Variants in GPX8 observed in about 807,000 individuals in gnomAD.
The protein encoded by GPX8 is protein peroxidase GPX8.
In GPX8, 12 loss-of-function variants were observed where a neutral mutation model predicts 17.8. The observed-to-expected ratio is 0.67, with a 90% CI of 0.43 to 1.09. The LOEUF (loss-of-function observed/expected upper bound fraction) is 1.09, where lower values mean the gene tolerates loss of function less well. Ranked by LOEUF, GPX8 falls within the 50% of genes least tolerant of loss-of-function variation. The pLI is 0.00. For missense variants in GPX8, 209 were observed against 235.6 expected, an observed-to-expected ratio of 0.89 and a Z score of 0.74; for synonymous variants, 86 against 88.1, an observed-to-expected ratio of 0.98 and a Z score of 0.14.
At position 55,160,266 on chromosome 5, in the gene GPX8, T is replaced by TTTTTGC; in HGVS notation, c.74_75insTTTTGC (p.Ile25_Val26insPheAla). On this transcript the variant is annotated inframe_insertion, in exon 1 of 3. Coordinates refer to ENST00000503787, the MANE Select transcript of GPX8 (RefSeq NM_001008397.4). The stretch of plus-strand genomic sequence containing the variant: ...AAGGTATTTGCAGTTTTGCTGTCTA[T>TTTTTGC]AGTTCTATGCACAGTAACGCTATTT... The TTTTTGC allele has an allele frequency of 3.7e-6, 6 of 1,613,880 alleles. No individual in the cohort carries two copies. Among genetic ancestry groups the TTTTTGC allele is most frequent in the African/African-American group, 2.7e-5 (2 of 74,930 alleles).
Position 55,164,037 on chromosome 5 carries a change from A to G in GPX8, c.467-18A>G. 1 of 1,517,940 alleles carries G rather than the reference A, an allele frequency of 6.6e-7. No homozygotes were observed. Among genetic ancestry groups the G allele is most frequent in the Non-Finnish European group, 8.9e-7 (1 of 1,122,216 alleles). 94.0% of individuals were successfully genotyped at this position (1,517,940 alleles called of 1,614,324 possible). A position where few individuals can be genotyped will look rare whatever the true frequency, so the allele number is the denominator to read the frequency against. On this transcript the variant is annotated intron_variant, in intron 2 of 2. Coordinates refer to ENST00000503787, the MANE Select transcript of GPX8 (RefSeq NM_001008397.4). ...AGAATAAAATTATGCTCATGAAAAT[A>G]TGTTCTGGATATTTTAGATTCTTCA... is the stretch of plus-strand genomic sequence containing the variant.
chr5:55,161,679 T>G (rs1561303539), intron 2 of GPX8, among the ~76,000 whole-genome samples: 1 of 152,238 alleles, frequency 6.6e-6, no homozygotes. Context: ...ATGTTGTCTT[T>G]CTTATCTGAA....
Position 55,164,371 on chromosome 5 carries a change from T to A in GPX8, c.*153T>A, listed in dbSNP as rs926465758. 9 of 427,914 alleles carry A rather than the reference T, an allele frequency of 2.1e-5. No individual in the cohort carries two copies. The highest frequency in any genetic ancestry group is 1.8e-4 in the African/African-American group (9 of 49,166). 26.5% of individuals were successfully genotyped at this position (427,914 alleles called of 1,614,324 possible). A position where few individuals can be genotyped will look rare whatever the true frequency, so the allele number is the denominator to read the frequency against. ...CAGCTCATTGCAACCTCTGCCTTTT[T>A]AAACATGCTATTAAATGTGGCAATG... is the stretch of plus-strand genomic sequence containing the variant. On this transcript the variant is annotated 3_prime_UTR_variant, in exon 3 of 3. Transcript: ENST00000503787.
rs1182689963 is a variant in GPX8 at position 55,160,980 on chromosome 5, T to C, written c.205-14T>C. 10 of 1,583,898 alleles carry C rather than the reference T, an allele frequency of 6.3e-6. No homozygotes were observed. In the Admixed American group the frequency reaches 1.7e-4, roughly 27 times the overall value. ...GCTTCACTTTCCGGTTGGATTTTTT[T>C]CTTTTTCCGGGAGGTTTCACTAGTT... On this transcript the variant is annotated splice_polypyrimidine_tract_variant and intron_variant, in intron 1 of 2. Transcript: ENST00000503787.
rs1744315910 is a variant in GPX8 at position 55,165,194 on chromosome 5, G to T, written c.*976G>T. ...ACAGCCTAAATTCTAGTATAAAAAG[G>T]GGGTGATCATACAAGTCCTAAAGTG... On this transcript the variant is annotated 3_prime_UTR_variant, in exon 3 of 3. Coordinates refer to ENST00000503787, the MANE Select transcript of GPX8 (RefSeq NM_001008397.4). 6.6e-6 allele frequency: 1 copy of T among 152,142 alleles called. No individual in the cohort carries two copies. The highest frequency in any genetic ancestry group is 2.1e-4 in the South Asian group (1 of 4,824). The allele number at this position is 152,142 out of a possible 1,614,324, so 9.4% of individuals were successfully genotyped here.
At position 55,161,179 on chromosome 5, in the gene GPX8, C is replaced by T; in HGVS notation, c.390C>T (p.Tyr130=). The T allele has an allele frequency of 2.5e-6, 4 of 1,614,058 alleles. No homozygotes were observed. Among genetic ancestry groups the T allele is most frequent in the Middle Eastern group, 1.6e-4 (1 of 6,062 alleles). Residue 130 remains tyrosine (Y), a synonymous_variant, in exon 2 of 3, where the codon TAC becomes TAT. Coordinates refer to ENST00000503787, the MANE Select transcript of GPX8 (RefSeq NM_001008397.4). ...KEVESFARKN[Y]GVTFPIFHKI... is the part of the protein sequence containing the mutation. ...TAGAATCTTTTGCAAGAAAAAACTA[C>T]GGAGTAACTTTCCCCATCTTCCACA...
rs200179703 is a variant in GPX8 at position 55,160,196 on chromosome 5, G to A, written c.4G>A (p.Glu2Lys). The part of the protein sequence containing the change: M[E>K]PLAAYPLKCS... ...CTTCCCTCTAGAATCCTCCAACATG[G>A]AGCCTCTTGCAGCTTACCCGCTAAA... Residue 2 changes from glutamate to lysine, a missense_variant, in exon 1 of 3, where the codon GAG (glutamate) becomes AAG (lysine). Physicochemically the swap from Glu to Lys is moderately conservative, Grantham distance 56. Transcript: ENST00000503787. 8 of 1,613,356 alleles carry A rather than the reference G, an allele frequency of 5.0e-6. No individual in the cohort carries two copies. The highest frequency in any genetic ancestry group is 5.9e-6 in the Non-Finnish European group (7 of 1,179,358).
rs1198717978 is a variant in GPX8, at chr5:55,160,216, G to A, written c.24G>A (p.Pro8=). 3.1e-6 allele frequency: 5 copies of A among 1,613,936 alleles called. No individual in the cohort carries two copies. In the East Asian group the frequency reaches 1.1e-4, roughly 36 times the overall value. The change falls in exon 1 of 3, where the codon CCG becomes CCA. Residue 8 remains proline, a synonymous_variant. Transcript: ENST00000503787. MEPLAAY[P]LKCSGPRAKV... ...ACATGGAGCCTCTTGCAGCTTACCC[G>A]CTAAAATGTTCCGGGCCCAGAGCAA... is the stretch of plus-strand genomic sequence containing the variant.
At position 55,166,195 on chromosome 5, in the gene GPX8, T is replaced by C. The variant is rs1256557381; in HGVS notation, c.*1977T>C. 3 of 152,274 alleles carry C rather than the reference T, an allele frequency of 2.0e-5. No individual in the cohort carries two copies. The highest frequency in any genetic ancestry group is 7.2e-5 in the African/African-American group (3 of 41,434). 9.4% of individuals were successfully genotyped at this position (152,274 alleles called of 1,614,324 possible). A position where few individuals can be genotyped will look rare whatever the true frequency, so the allele number is the denominator to read the frequency against. On this transcript the variant is annotated 3_prime_UTR_variant, in exon 3 of 3. Coordinates refer to ENST00000503787, the MANE Select transcript of GPX8 (RefSeq NM_001008397.4). ...CAGAACTGCATATGCCAGCACCACA[T>C]GGGCAGCAGAGACTCCCCACTGCCA...
rs190612331 is a variant in GPX8, at chr5:55,163,754, C to T, written c.467-301C>T. ...AACTCCTGATCTTAGGTGATCCACC[C>T]GCCTCAGCCTCCCAAAGTGCTGGGA... On this transcript the variant is annotated intron_variant, in intron 2 of 2. Coordinates refer to ENST00000503787, the MANE Select transcript of GPX8 (RefSeq NM_001008397.4). Among the ~76,000 whole-genome samples, 274 of 150,620 alleles carry T rather than the reference C, an allele frequency of 1.8e-3. 2 individuals carry two copies. In the Middle Eastern group the frequency reaches 0.021, roughly 11 times the overall value.
intron 2 of GPX8, among the ~76,000 whole-genome samples, chr5:55,162,264 T>TAATTACA (rs1422756293): frequency 1.3e-5 from 2 of 151,950 alleles, no homozygotes; most frequent in Non-Finnish European, 2.9e-5. Context: ...GGTGTGGTGG[T>TAATTACA]GGGCACCTGT....
chr5:55,160,897 T>G (rs1339862982), intron 1 of GPX8, 97 bp from the exon 2 acceptor site: 2 of 1,255,484 alleles, frequency 1.6e-6, no homozygotes, highest in African/African-American at 1.5e-5. Flanking sequence ...TCAGAGGTTA[T>G]AGTCCCCCCC....
In GPX8 at chr5:55,164,111, G is replaced by C; in HGVS notation, c.523G>C (p.Gly175Arg). Residue 175 changes from glycine (G) to arginine (R), a missense_variant, in exon 3 of 3, where the codon GGT (glycine) becomes CGT (arginine). Physicochemically the swap from Gly to Arg is moderately radical, Grantham distance 125 (BLOSUM62 -2). Transcript: ENST00000503787. ...NFWKYLVNPE[G>R]QVVKFWKPEE... ...TTGGAAGTATCTTGTCAACCCTGAG[G>C]GTCAAGTTGTGAAGTTCTGGAAGCC... is the stretch of plus-strand genomic sequence containing the variant. 6.2e-7 allele frequency: 1 copy of C among 1,604,736 alleles called. No individual in the cohort carries two copies. Among genetic ancestry groups the C allele is most frequent in the South Asian group, 1.1e-5 (1 of 89,674 alleles).
rs1365254566 is a variant in GPX8, at chr5:55,161,225, G to A, written c.436G>A (p.Glu146Lys). The change falls in exon 2 of 3, where the codon GAA becomes AAA. Residue 146 changes from glutamate to lysine, a missense_variant. By Grantham distance (56) the Glu-to-Lys change is moderately conservative. Transcript: ENST00000503787. Reference protein sequence around the residue: ...IFHKIKILGSEGEPAFRFLVD... With the variant: ...IFHKIKILGSKGEPAFRFLVD... Reference sequence around the variant, plus strand: ...CCACAAGATTAAGATTCTAGGATCTGAAGGAGAACCTGCATTTAGATTTCT... The same window carrying A: ...CCACAAGATTAAGATTCTAGGATCTAAAGGAGAACCTGCATTTAGATTTCT... 7.3e-5 allele frequency: 118 copies of A among 1,613,856 alleles called. 1 individual carries two copies. The highest frequency in any genetic ancestry group is 9.8e-5 in the Non-Finnish European group (116 of 1,179,896).
Position 55,160,259 on chromosome 5 carries a change from C to G in GPX8, c.67C>G (p.Leu23Val), listed in dbSNP as rs369767237. ...CAGAGCAAAGGTATTTGCAGTTTTG[C>G]TGTCTATAGTTCTATGCACAGTAAC... ...GPRAKVFAVLLSIVLCTVTLF... is the reference protein window; with the variant it reads ...GPRAKVFAVLVSIVLCTVTLF... Residue 23 changes from leucine to valine, a missense_variant, in exon 1 of 3, where the codon CTG becomes GTG. By Grantham distance (32) the Leu-to-Val change is conservative (BLOSUM62 1). Transcript: ENST00000503787. 1 of 1,613,980 alleles carries G rather than the reference C, an allele frequency of 6.2e-7. No homozygotes were observed. Among genetic ancestry groups the G allele is most frequent in the African/African-American group, 1.3e-5 (1 of 75,052 alleles).
rs1402732528 is a variant in GPX8 at position 55,160,237 on chromosome 5, A to G, written c.45A>G (p.Arg15=). The G allele has an allele frequency of 6.2e-7, 1 of 1,614,040 alleles. No individual in the cohort carries two copies. The highest frequency in any genetic ancestry group is 8.5e-7 in the Non-Finnish European group (1 of 1,180,000). ...AAYPLKCSGP[R]AKVFAVLLSI... ...ACCCGCTAAAATGTTCCGGGCCCAG[A>G]GCAAAGGTATTTGCAGTTTTGCTGT... The change falls in exon 1 of 3, where the codon AGA becomes AGG. Residue 15 remains arginine, a synonymous_variant. Coordinates refer to ENST00000503787, the MANE Select transcript of GPX8 (RefSeq NM_001008397.4).
intron 2 of GPX8, among the ~76,000 whole-genome samples, chr5:55,163,163 T>C (rs1378993850): frequency 3.9e-5 from 6 of 152,142 alleles, no homozygotes; most frequent in African/African-American, 1.4e-4. Flanking sequence ...AAAATGAACA[T>C]AAATCTTGAG....
At position 55,165,544 on chromosome 5, in the gene GPX8, A is replaced by G. The variant is rs1184052809; in HGVS notation, c.*1326A>G. ...AAATTCAGTAATGCTACCTCAGTAT[A>G]TAGTTCTGTATACGTATTTGGACCA... is the stretch of plus-strand genomic sequence containing the variant. On this transcript the variant is annotated 3_prime_UTR_variant, in exon 3 of 3. Coordinates refer to ENST00000503787, the MANE Select transcript of GPX8 (RefSeq NM_001008397.4). 1.3e-5 allele frequency: 2 copies of G among 152,234 alleles called. No homozygotes were observed. Among genetic ancestry groups the G allele is most frequent in the East Asian group, 3.8e-4 (2 of 5,200 alleles). The allele number at this position is 152,234 out of a possible 1,614,324, so 9.4% of individuals were successfully genotyped here. A position where few individuals can be genotyped will look rare whatever the true frequency, so the allele number is the denominator to read the frequency against.
Position 55,160,329 on chromosome 5 carries a change from G to C in GPX8, c.137G>C (p.Ser46Thr). The change falls in exon 1 of 3, where the codon AGC (serine) becomes ACC (threonine). Residue 46 changes from serine to threonine, a missense_variant. Ser to Thr is a moderately conservative substitution (Grantham distance 58, BLOSUM62 1). Coordinates refer to ENST00000503787, the MANE Select transcript of GPX8 (RefSeq NM_001008397.4). ...AAATTCCTCAAACCTAAAATCAACA[G>C]CTTTTATGCCTTTGAAGTGAAGGAT... Reference protein sequence around the residue: ...QLKFLKPKINSFYAFEVKDAK... With the variant: ...QLKFLKPKINTFYAFEVKDAK... 1 of 1,613,834 alleles carries C rather than the reference G, an allele frequency of 6.2e-7. No homozygotes were observed. Among genetic ancestry groups the C allele is most frequent in the Non-Finnish European group, 8.5e-7 (1 of 1,179,950 alleles).
Sources: gnomAD v4.1 joint callset for allele counts (sites outside exome capture counted in the v4.1 genomes callset) on GRCh38, gnomAD v4.1.1 for gene constraint, MANE v1.5 for transcripts, NCBI Gene and HGNC (gene_info 2026-07-23, HGNC 2026-07-21) for gene names.